ANO2: variants seen among roughly 807,000 people sequenced by gnomAD.
ANO2 encodes the protein anoctamin 2.
In ANO2, 101 loss-of-function variants were observed where a neutral mutation model predicts 124.2. That is an observed-to-expected ratio of 0.81 (90% CI 0.69 to 0.96). The LOEUF is 0.96. Among genes scored for constraint, ANO2 ranks in the 40% least tolerant of loss-of-function variants. ANO2 has a pLI of 0.00. For missense variants in ANO2, 1,293 were observed against 1,274.5 expected (o/e 1.01, Z -0.22); for synonymous variants, 486 against 482.5 (o/e 1.01, Z -0.09).
intron 12 of ANO2, among the ~76,000 whole-genome samples, 197 bp from the exon 13 acceptor site, chr12:5,739,596 T>TACACACAC (rs71064167): frequency 0.1 from 14,880 of 144,960 alleles, 893 homozygotes; most frequent in African/African-American, 0.16. Context: ...ATAGATATGT[T>TACACACAC]ACACACACAC....
intron 20 of ANO2, among the ~76,000 whole-genome samples, chr12:5,595,143 C>T (rs1196547060): frequency 6.6e-6 from 1 of 152,202 alleles, no homozygotes. Context: ...TTAGCGCATG[C>T]ATGCATTCAT....
chr12:5,907,309 T>G (rs1940765741), intron 3 of ANO2, among the ~76,000 whole-genome samples: 1 of 152,238 alleles, frequency 6.6e-6, no homozygotes, highest in Non-Finnish European at 1.5e-5. Context: ...GTGAGCCAAT[T>G]TAACAAAAAT....
intron 14 of ANO2, among the ~76,000 whole-genome samples, chr12:5,688,014 TA>T (rs1412410170): frequency 6.6e-6 from 1 of 152,230 alleles, no homozygotes; most frequent in African/African-American, 2.4e-5. Flanking sequence ...GAACATCCTG[TA>T]AAATCTGACA....
At chr12:5,777,594 A>G (rs1044185915) in intron 10 of ANO2, among the ~76,000 whole-genome samples, 1 of 152,150 alleles carries the variant, frequency 6.6e-6, no homozygotes, top group African/African-American at 2.4e-5. Context: ...CATCACAAAC[A>G]TATGGATTTG....
chr12:5,578,092 A>G, intron 21 of ANO2, 85 bp from the exon 22 acceptor site: 1 of 1,504,926 alleles, frequency 6.6e-7, no homozygotes, highest in Non-Finnish European at 9.1e-7. Context: ...GATGTTTTGC[A>G]GGTGAACTAC....
chr12:5,855,527 G>A (rs759741666), intron 3 of ANO2, among the ~76,000 whole-genome samples: 3 of 152,200 alleles, frequency 2.0e-5, no homozygotes, highest in African/African-American at 4.8e-5. Context: ...AATAAACCAC[G>A]ATTTCAAAAG....
intron 14 of ANO2, among the ~76,000 whole-genome samples, chr12:5,721,998 G>A (rs4930797): frequency 0.52 from 79,267 of 152,084 alleles, 21,968 homozygotes; most frequent in Middle Eastern, 0.66. Flanking sequence ...GAAAATATGC[G>A]TAAATTGAAA....
Position 5,754,258 on chromosome 12 carries a change from GA to G in ANO2, c.1056-3289del, listed in dbSNP as rs34964955. ...TGTTGAACCATCCTTGTATCCCAAG[GA>G]AAAAAACCCTTCTTGGTCATGGTGT... On this transcript the variant is annotated intron_variant, in intron 10 of 24. Coordinates refer to ENST00000682330, the MANE Select transcript of ANO2 (RefSeq NM_001364791.2). Among the ~76,000 whole-genome samples, 11 of 152,004 alleles carry G rather than the reference GA, an allele frequency of 7.2e-5. 1 individual carries two copies. In the South Asian group the frequency reaches 1.7e-3, roughly 23 times the overall value.
chr12:5,922,494 A>T, intron 2 of ANO2, 126 bp downstream of exon 2: 1 of 1,106,444 alleles, frequency 9.0e-7, no homozygotes, highest in South Asian at 1.7e-5. Context: ...GCCCTACCCA[A>T]ACCTAGGTCT....
intron 16 of ANO2, among the ~76,000 whole-genome samples, chr12:5,625,349 C>A (rs1447004225): frequency 6.8e-6 from 1 of 147,770 alleles, no homozygotes; most frequent in East Asian, 2.1e-4. Context: ...TACTTACCAG[C>A]AGACTGGATC....
rs200078432 is a variant in ANO2, at chr12:5,635,329, T to C, written c.1639A>G (p.Ile547Val). 10,883 of 1,580,150 alleles carry C rather than the reference T, an allele frequency of 6.9e-3. 66 individuals carry two copies. The highest frequency in any genetic ancestry group is 7.7e-3 in the Non-Finnish European group (8,960 of 1,167,410). The change falls in exon 16 of 25, where the codon ATC (isoleucine) becomes GTC (valine). Residue 547 changes from isoleucine to valine, a missense_variant. Coordinates refer to ENST00000682330, the MANE Select transcript of ANO2 (RefSeq NM_001364791.2). This position sits in a 1 kb window ranked among gnomAD's most constrained non-coding sequence, Gnocchi z 5.2. The stretch of plus-strand genomic sequence containing the variant: ...CGATACACTATCACCCCAAAGACGA[T>C]TGAGAATGTCAGGGCAATCTGTTTG... Reference protein sequence around the residue: ...ILFMIALTFSIVFGVIVYRIT... With the variant: ...ILFMIALTFSVVFGVIVYRIT...
chr12:5,572,357 A>T (rs960387208), intron 23 of ANO2, among the ~76,000 whole-genome samples: 5 of 152,162 alleles, frequency 3.3e-5, no homozygotes, highest in African/African-American at 7.2e-5. Flanking sequence ...AGCCAGGCTG[A>T]CATGGCCACA....
rs1945959897 is a variant in ANO2 at position 5,635,361 on chromosome 12, CAG to C, written c.1621-16_1621-15del. On this transcript the variant is annotated splice_polypyrimidine_tract_variant and intron_variant, in intron 15 of 24. Coordinates refer to ENST00000682330, the MANE Select transcript of ANO2 (RefSeq NM_001364791.2). This position sits in a 1 kb window ranked among gnomAD's most constrained non-coding sequence, Gnocchi z 5.2. ...TGTCAGGGCAATCTGTTTGGGAAAA[CAG>C]AGAGAAGTACACATCAGCCGGCAAT... 1.3e-6 allele frequency: 2 copies of C among 1,543,400 alleles called. No homozygotes were observed. Among genetic ancestry groups the C allele is most frequent in the African/African-American group, 1.4e-5 (1 of 72,710 alleles).
At chr12:5,874,679 C>T (rs2137287053) in intron 3 of ANO2, among the ~76,000 whole-genome samples, 1 of 152,330 alleles carries the variant, frequency 6.6e-6, no homozygotes, top group East Asian at 1.9e-4. Flanking sequence ...AAACCTCACA[C>T]ATGTCTGCAA....
chr12:5,828,726 A>G (rs1053972180), intron 6 of ANO2, among the ~76,000 whole-genome samples: 2 of 152,202 alleles, frequency 1.3e-5, no homozygotes, highest in African/African-American at 2.4e-5. Flanking sequence ...GCTTCCCACA[A>G]AAGAATCAGG....
intron 20 of ANO2, among the ~76,000 whole-genome samples, chr12:5,584,989 G>A (rs1264158408): frequency 6.6e-6 from 1 of 152,068 alleles, no homozygotes; most frequent in Non-Finnish European, 1.5e-5. Flanking sequence ...CCTTCCAAGG[G>A]CTCAGAATAT....
rs113788246 is a variant in ANO2, at chr12:5,785,807, T to C, written c.1055+13700A>G. 4.4e-3 allele frequency among the ~76,000 whole-genome samples: 669 copies of C among 152,300 alleles called. 6 individuals carry two copies. Among genetic ancestry groups the C allele is most frequent in the African/African-American group, 0.015 (639 of 41,560 alleles). ...TTCCCAGAGAGTATCCTGGCCTTCA[T>C]GCCAGGTCCCCTTGCCATGCAGCTG... On this transcript the variant is annotated intron_variant, in intron 10 of 24. Transcript: ENST00000682330.
intron 12 of ANO2, among the ~76,000 whole-genome samples, chr12:5,743,684 T>C (rs529608975): frequency 6.6e-6 from 1 of 152,312 alleles, no homozygotes; most frequent in Admixed American, 6.5e-5. Flanking sequence ...CAGTACAGTC[T>C]ACACTCATGA....
intron 20 of ANO2, among the ~76,000 whole-genome samples, chr12:5,583,511 GGC>G (rs1426168027): frequency 2.6e-5 from 4 of 151,250 alleles, no homozygotes; most frequent in Non-Finnish European, 5.9e-5. Flanking sequence ...AAATTAGCCG[GGC>G]GCAGTGGCGG....
Sources: gnomAD v4.1 joint callset for allele counts (sites outside exome capture counted in the v4.1 genomes callset) on GRCh38, gnomAD v4.1.1 for gene constraint, Gnocchi (gnomAD v3.1) non-coding constraint, MANE v1.5 for transcripts, NCBI Gene and HGNC (gene_info 2026-07-23, HGNC 2026-07-21) for gene names.